The following PRMT2 variants were observed in gnomAD, a reference collection of about 807,000 sequenced individuals.
The protein encoded by PRMT2 is protein arginine N-methyltransferase 2.
A neutral mutation model predicts 57.6 loss-of-function variants in PRMT2; 26 were observed. That is an observed-to-expected ratio of 0.45 (90% CI 0.33 to 0.63). The LOEUF is 0.63. Among genes scored for constraint, PRMT2 ranks in the 20% least tolerant of loss-of-function variants. The pLI is 0.02. For missense variants in PRMT2, 472 were observed against 564.4 expected (o/e 0.84, Z 1.66); for synonymous variants, 219 against 220.0 (o/e 1.00, Z 0.04).
intron 7 of PRMT2, among the ~76,000 whole-genome samples, chr21:46,654,498 G>A (rs1300747016): frequency 6.6e-6 from 1 of 152,166 alleles, no homozygotes; most frequent in Admixed American, 6.5e-5. Context: ...ACTATTTGAG[G>A]ACTCTGGAAC....
chr21:46,655,574 A>G (rs1282079394), intron 7 of PRMT2, among the ~76,000 whole-genome samples: 3 of 152,204 alleles, frequency 2.0e-5, no homozygotes, highest in African/African-American at 7.2e-5. Flanking sequence ...TCTACAAAAA[A>G]ACCTACAGAA....
chr21:46,661,475 C>T (rs888526154), intron 9 of PRMT2: 1 of 196,012 alleles, frequency 5.1e-6, no homozygotes, highest in Non-Finnish European at 1.0e-5. Flanking sequence ...CGCCGGCGCG[C>T]TTTGGTTTTT....
At position 46,663,535 on chromosome 21, in the gene PRMT2, A is replaced by C; in HGVS notation, c.1250A>C (p.Gln417Pro). 1 of 1,613,952 alleles carries C rather than the reference A, an allele frequency of 6.2e-7. No individual in the cohort carries two copies. The highest frequency in any genetic ancestry group is 8.5e-7 in the Non-Finnish European group (1 of 1,179,814). The change falls in exon 11 of 12, where the codon CAA (glutamine) becomes CCA (proline). Residue 417 changes from glutamine (Q) to proline (P), a missense_variant. Physicochemically the swap from Gln to Pro is moderately conservative, Grantham distance 76. Around this residue, in one of 2 missense-constraint regions of PRMT2, gnomAD observed 229 missense variants for 217.2 expected, o/e 1.05. Coordinates refer to ENST00000355680, the MANE Select transcript of PRMT2 (RefSeq NM_206962.4). ...VALSWAVTSRQDPTSQKVGEK... is the reference protein window; with the variant it reads ...VALSWAVTSRPDPTSQKVGEK... ...CTGAGCTGGGCTGTCACTTCCAGAC[A>C]AGACCCCACATCTCAAAAAGTAAGA... is the stretch of plus-strand genomic sequence containing the variant.
At chr21:46,646,706 T>C (rs1469069001) in intron 5 of PRMT2, among the ~76,000 whole-genome samples, 1 of 152,176 alleles carries the variant, frequency 6.6e-6, no homozygotes, top group African/African-American at 2.4e-5. Context: ...TTCTATAGGG[T>C]AAATTCCTAC....
chr21:46,660,239 C>T (rs1027657792), intron 8 of PRMT2: 7 of 857,474 alleles, frequency 8.2e-6, no homozygotes, highest in Non-Finnish European at 9.8e-6. Context: ...TGGGGGTTGG[C>T]AAACGGTGAC....
rs77776707 is a variant in PRMT2 at position 46,651,989 on chromosome 21, C to T, written c.654+2250C>T. 5,433 of 1,613,284 alleles carry T rather than the reference C, an allele frequency of 3.4e-3. 31 individuals are homozygous for T. The highest frequency in any genetic ancestry group is 0.015 in the East Asian group (687 of 44,886). On this transcript the variant is annotated intron_variant, in intron 7 of 11. Coordinates refer to ENST00000355680, the MANE Select transcript of PRMT2 (RefSeq NM_206962.4). Reference sequence around the variant, plus strand: ...GCCCTCAGGCCTTCATCTCTCCTGGCCCATCTTCCTACTCTGACGCTGACA... The same window carrying T: ...GCCCTCAGGCCTTCATCTCTCCTGGTCCATCTTCCTACTCTGACGCTGACA...
At chr21:46,651,538 T>G (rs2061451106) in intron 7 of PRMT2, among the ~76,000 whole-genome samples, 1 of 151,782 alleles carries the variant, frequency 6.6e-6, no homozygotes. Flanking sequence ...TGTGGTGGTT[T>G]TCTCCAGTGC....
In PRMT2 at chr21:46,648,125, T is replaced by A. The variant is rs2061392655; in HGVS notation, c.328-333T>A. ...GCTGACATCTTTATAACATTGACTCTCAGTCTCTGATTACTTAAGCTTTGT... is the reference window on the plus strand; with the variant it reads ...GCTGACATCTTTATAACATTGACTCACAGTCTCTGATTACTTAAGCTTTGT... On this transcript the variant is annotated intron_variant, in intron 5 of 11. Transcript: ENST00000355680. This position sits in a 1 kb window ranked among gnomAD's most constrained non-coding sequence, Gnocchi z 4.8. 6.6e-6 allele frequency among the ~76,000 whole-genome samples: 1 copy of A among 152,248 alleles called. No homozygotes were observed. The highest frequency in any genetic ancestry group is 6.5e-5 in the Admixed American group (1 of 15,288).
intron 7 of PRMT2, chr21:46,656,794 TC>T (rs2148995873): frequency 6.6e-6 from 1 of 152,316 alleles, no homozygotes; most frequent in African/African-American, 2.4e-5. Flanking sequence ...AAAAGCGTGA[TC>T]CATAGCAGAA....
At chr21:46,642,268 T>TAGTAA (rs2061289558) in intron 3 of PRMT2, among the ~76,000 whole-genome samples, 1 of 152,200 alleles carries the variant, frequency 6.6e-6, no homozygotes, top group Non-Finnish European at 1.5e-5. Context: ...TGATTTAGAA[T>TAGTAA]AGTAAAAACT....
intron 5 of PRMT2, among the ~76,000 whole-genome samples, chr21:46,647,893 T>G (rs1225428360): frequency 1.3e-5 from 2 of 152,234 alleles, no homozygotes; most frequent in Non-Finnish European, 2.9e-5. Flanking sequence ...CTGGTCTGTT[T>G]ACTGCAGTTC....
intron 8 of PRMT2, chr21:46,660,241 A>G: frequency 1.2e-6 from 1 of 862,344 alleles, no homozygotes; most frequent in Non-Finnish European, 1.4e-6. Context: ...GGGGTTGGCA[A>G]ACGGTGACAT....
chr21:46,644,095 T>G (rs1475393575), intron 4 of PRMT2, among the ~76,000 whole-genome samples: 1 of 152,188 alleles, frequency 6.6e-6, no homozygotes, highest in Non-Finnish European at 1.5e-5. Context: ...AAAAAATATC[T>G]GTTAAGCTGT....
At chr21:46,642,104 G>A (rs1191692781) in intron 3 of PRMT2, among the ~76,000 whole-genome samples, 1 of 152,156 alleles carries the variant, frequency 6.6e-6, no homozygotes, top group South Asian at 2.1e-4. Context: ...TTCCCTCTCA[G>A]CAAGCGGTCC....
In PRMT2 at chr21:46,649,830, G is replaced by T. The variant is rs772115639; in HGVS notation, c.654+91G>T. On this transcript the variant is annotated intron_variant, in intron 7 of 11. Coordinates refer to ENST00000355680, the MANE Select transcript of PRMT2 (RefSeq NM_206962.4). This position sits in a 1 kb window ranked among gnomAD's most constrained non-coding sequence, Gnocchi z 4.8. ...GGCCAACCTCAGGATCTCAAGGGTC[G>T]TGCGTGATTCATTTTGATGTTTTCC... 1 of 1,542,168 alleles carries T rather than the reference G, an allele frequency of 6.5e-7. No individual in the cohort carries two copies. Among genetic ancestry groups the T allele is most frequent in the Admixed American group, 2.0e-5 (1 of 50,686 alleles).
chr21:46,640,222 CATT>C (rs2061247091), intron 3 of PRMT2, among the ~76,000 whole-genome samples: 1 of 152,156 alleles, frequency 6.6e-6, no homozygotes, highest in South Asian at 2.1e-4. Context: ...AATAAATTAT[CATT>C]ATTGCTTTAC....
intron 9 of PRMT2, chr21:46,661,552 C>A (rs1479427888): frequency 1.7e-5 from 4 of 231,136 alleles, no homozygotes; most frequent in African/African-American, 1.1e-4. Context: ...GAGCTGAGCG[C>A]CGAAAAGATT....
intron 5 of PRMT2, among the ~76,000 whole-genome samples, chr21:46,646,247 G>A (rs559650062): frequency 6.8e-4 from 104 of 152,174 alleles, no homozygotes; most frequent in Non-Finnish European, 1.2e-3. Flanking sequence ...GCACTTTTTC[G>A]CAGGTATGCC....
rs1470970701 is a variant in PRMT2, at chr21:46,644,290, A to C, written c.145-16A>C. 4 of 1,592,326 alleles carry C rather than the reference A, an allele frequency of 2.5e-6. No homozygotes were observed. Among genetic ancestry groups the C allele is most frequent in the Non-Finnish European group, 3.4e-6 (4 of 1,170,280 alleles). On this transcript the variant is annotated splice_polypyrimidine_tract_variant and intron_variant, in intron 4 of 11. Coordinates refer to ENST00000355680, the MANE Select transcript of PRMT2 (RefSeq NM_206962.4). ...TGACTGGTTTTCTTATTGAATTTTA[A>C]CTTTTTTTTTTCCAGCTCAGTTTTT...
Sources: allele counts gnomAD v4.1 joint callset (sites outside exome capture counted in the v4.1 genomes callset), GRCh38; gene constraint gnomAD v4.1.1; regional missense constraint gnomAD v4.1.1; non-coding constraint Gnocchi (gnomAD v3.1); transcripts MANE v1.5; gene names NCBI Gene and HGNC (gene_info 2026-07-23, HGNC 2026-07-21).